Variants in DLK1 observed in about 807,000 individuals in gnomAD.
DLK1 encodes delta like non-canonical Notch ligand 1.
A neutral mutation model predicts 35.2 loss-of-function variants in DLK1; 9 were observed. The ratio of observed to expected loss-of-function variants is 0.26; its 90% CI spans 0.15 to 0.45. The LOEUF is 0.45. DLK1 is among the 20% of genes least tolerant of loss of function. The pLI, the probability that DLK1 is intolerant of heterozygous loss-of-function variation, is 1.00. For synonymous variants in DLK1, 231 were observed against 228.4 expected, an observed-to-expected ratio of 1.01 and a Z score of -0.10; for missense variants, 522 against 528.5, an observed-to-expected ratio of 0.99 and a Z score of 0.12.
At position 100,726,909 on chromosome 14, in the gene DLK1, G is replaced by GGCGGTGGAGAGC; in HGVS notation, c.-157_-146dup. On this transcript the variant is annotated 5_prime_UTR_variant, in exon 1 of 5. Coordinates refer to ENST00000341267, the MANE Select transcript of DLK1 (RefSeq NM_003836.7). The surrounding 1 kb of genome is among the most constrained non-coding windows in gnomAD (Gnocchi z 4.2). ...GCGGCGGCGGCAGCTCCCCGGCAGC[G>GGCGGTGGAGAGC]GCGGTGGAGAGCGCAGCGCGCAGCC... is the stretch of plus-strand genomic sequence containing the variant. 1 of 547,982 alleles carries GGCGGTGGAGAGC rather than the reference G, an allele frequency of 1.8e-6. No individual in the cohort carries two copies. Among genetic ancestry groups the GGCGGTGGAGAGC allele is most frequent in the Non-Finnish European group, 2.6e-6 (1 of 377,932 alleles). 33.9% of individuals were successfully genotyped at this position (547,982 alleles called of 1,614,324 possible).
intron 3 of DLK1, among the ~76,000 whole-genome samples, chr14:100,730,269 C>T (rs1439842358): frequency 2.0e-5 from 3 of 152,216 alleles, no homozygotes; most frequent in African/African-American, 7.2e-5. Context: ...TGGGGGATTC[C>T]AGCAAAGCCA....
Position 100,734,763 on chromosome 14 carries a change from A to G in DLK1, c.1019A>G (p.Asn340Ser), listed in dbSNP as rs2036552759. Residue 340 changes from asparagine (N) to serine (S), a missense_variant, in exon 5 of 5, where the codon AAC becomes AGC. Asn to Ser is a conservative substitution (Grantham distance 46, BLOSUM62 1). Coordinates refer to ENST00000341267, the MANE Select transcript of DLK1 (RefSeq NM_003836.7). The surrounding 1 kb of genome is among the most constrained non-coding windows in gnomAD (Gnocchi z 7.4). ...CETWVSNLRY[N>S]HMLRKKKNLL... The stretch of plus-strand genomic sequence containing the variant: ...ACCTGGGTGTCCAACCTGCGCTACA[A>G]CCACATGCTGCGGAAGAAGAAGAAC... The G allele has an allele frequency of 5.6e-6, 9 of 1,613,982 alleles. No homozygotes were observed. The highest frequency in any genetic ancestry group is 1.3e-5 in the African/African-American group (1 of 75,030).
chr14:100,734,360 A>G lies in DLK1; in HGVS notation c.616A>G (p.Ser206Gly). 1 of 1,612,424 alleles carries G rather than the reference A, an allele frequency of 6.2e-7. No individual in the cohort carries two copies. The highest frequency in any genetic ancestry group is 8.5e-7 in the Non-Finnish European group (1 of 1,179,578). Residue 206 changes from serine to glycine, a missense_variant, in exon 5 of 5, where the codon AGC becomes GGC. Physicochemically the swap from Ser to Gly is moderately conservative, Grantham distance 56. Transcript: ENST00000341267. The surrounding 1 kb of genome is among the most constrained non-coding windows in gnomAD (Gnocchi z 7.4). ...AGCCGGCTTCATCGACAAGACCTGC[A>G]GCCGCCCGGTGACCAACTGCGCCAG... Reference protein sequence around the residue: ...CPAGFIDKTCSRPVTNCASSP... With the variant: ...CPAGFIDKTCGRPVTNCASSP...
Position 100,734,217 on chromosome 14 carries a change from G to GCCC in DLK1, c.477_479dup (p.Pro160dup). ...CGGGCCTCCCATGCCTCCTGCCTGT[G>GCCC]CCCCCCTGGCTTCTCAGGCAATTTC... On this transcript the variant is annotated inframe_insertion, in exon 5 of 5. Transcript: ENST00000341267. This position sits in a 1 kb window ranked among gnomAD's most constrained non-coding sequence, Gnocchi z 7.4. 2 of 1,613,232 alleles carry GCCC rather than the reference G, an allele frequency of 1.2e-6. No homozygotes were observed. The highest frequency in any genetic ancestry group is 1.7e-6 in the Non-Finnish European group (2 of 1,180,002).
Position 100,731,378 on chromosome 14 carries a change from G to A in DLK1, c.263-664G>A, listed in dbSNP as rs925211335. On this transcript the variant is annotated intron_variant, in intron 3 of 4. Transcript: ENST00000341267. The stretch of plus-strand genomic sequence containing the variant: ...TGGAAACCTGTGCTGATAGGAGAGC[G>A]CTCAATAGTTCTAATTTCCCTGGCT... Among the ~76,000 whole-genome samples, 6 of 152,170 alleles carry A rather than the reference G, an allele frequency of 3.9e-5. No homozygotes were observed. The South Asian group carries it at 1.0e-3, about 26-fold the overall frequency.
In DLK1 at chr14:100,737,240, T is replaced by C. The variant is rs930941875; in HGVS notation, c.*2344T>C. The C allele has an allele frequency of 1.4e-5, 2 of 145,310 alleles. No homozygotes were observed. Among genetic ancestry groups the C allele is most frequent in the Non-Finnish European group, 3.0e-5 (2 of 66,650 alleles). The allele number at this position is 145,310 out of a possible 1,614,324, so 9.0% of individuals were successfully genotyped here. ...CCTTCCCCACGAAGTCATTCATAAGTCACCATCTCATCTCATTTTGAGTTT... is the reference window on the plus strand; with the variant it reads ...CCTTCCCCACGAAGTCATTCATAAGCCACCATCTCATCTCATTTTGAGTTT... On this transcript the variant is annotated 3_prime_UTR_variant, in exon 5 of 5. Transcript: ENST00000341267.
rs1420386123 is a variant in DLK1, at chr14:100,728,411, C to T, written c.83C>T (p.Pro28Leu). The change falls in exon 2 of 5, where the codon CCG becomes CTG. Residue 28 changes from proline (P) to leucine (L), a missense_variant. By Grantham distance (98) the Pro-to-Leu change is moderately conservative (BLOSUM62 -3). Transcript: ENST00000341267. ...TGTACCTCAGGGGCTGAATGCTTCCCGGCCTGCAACCCCCAAAATGGATTC... is the reference window on the plus strand; with the variant it reads ...TGTACCTCAGGGGCTGAATGCTTCCTGGCCTGCAACCCCCAAAATGGATTC... The part of the protein sequence containing the change: ...GHSTYGAECF[P>L]ACNPQNGFCE... 43 of 1,613,796 alleles carry T rather than the reference C, an allele frequency of 2.7e-5. No homozygotes were observed. Among genetic ancestry groups the T allele is most frequent in the African/African-American group, 8.0e-5 (6 of 74,850 alleles).
chr14:100,735,014 C>A lies in DLK1; in HGVS notation c.*118C>A. On this transcript the variant is annotated 3_prime_UTR_variant, in exon 5 of 5. Coordinates refer to ENST00000341267, the MANE Select transcript of DLK1 (RefSeq NM_003836.7). ...TGTGTCAAATCTGGTGAACGCTACG[C>A]TTACATATATTGTCTTTGTGCTGCT... 1 of 1,372,092 alleles carries A rather than the reference C, an allele frequency of 7.3e-7. No homozygotes were observed. Among genetic ancestry groups the A allele is most frequent in the Non-Finnish European group, 9.8e-7 (1 of 1,025,268 alleles). The allele number at this position is 1,372,092 out of a possible 1,614,324, so 85.0% of individuals were successfully genotyped here. A position where few individuals can be genotyped will look rare whatever the true frequency, so the allele number is the denominator to read the frequency against.
Position 100,727,059 on chromosome 14 carries a change from C to T in DLK1, c.-10C>T. 1.3e-6 allele frequency: 2 copies of T among 1,562,952 alleles called. No individual in the cohort carries two copies. Among genetic ancestry groups the T allele is most frequent in the South Asian group, 1.2e-5 (1 of 85,750 alleles). The stretch of plus-strand genomic sequence containing the variant: ...ACCGCTCCCGGGACCGCGACCCCGG[C>T]CGCCCAGAGATGACCGCGACCGAAG... On this transcript the variant is annotated 5_prime_UTR_variant, in exon 1 of 5. Transcript: ENST00000341267.
At chr14:100,727,201 C>T in intron 1 of DLK1, 66 bp downstream of exon 1, 1 of 1,454,324 alleles carries the variant, frequency 6.9e-7, no homozygotes. Flanking sequence ...GCCGGCCGCC[C>T]GGTGCCCCGC....
chr14:100,734,391 C>T lies in DLK1; in HGVS notation c.647C>T (p.Pro216Leu), dbSNP rs746359450. ...CCGGTGACCAACTGCGCCAGCAGCC[C>T]GTGCCAGAACGGGGGCACCTGCCTG... Reference protein sequence around the residue: ...SRPVTNCASSPCQNGGTCLQH... With the variant: ...SRPVTNCASSLCQNGGTCLQH... The change falls in exon 5 of 5, where the codon CCG (proline) becomes CTG (leucine). Residue 216 changes from proline (P) to leucine (L), a missense_variant. By Grantham distance (98) the Pro-to-Leu change is moderately conservative. Coordinates refer to ENST00000341267, the MANE Select transcript of DLK1 (RefSeq NM_003836.7). This position sits in a 1 kb window ranked among gnomAD's most constrained non-coding sequence, Gnocchi z 7.4. The T allele has an allele frequency of 1.9e-5, 31 of 1,611,588 alleles. No homozygotes were observed. Among genetic ancestry groups the T allele is most frequent in the Middle Eastern group, 1.6e-4 (1 of 6,072 alleles).
In DLK1 at chr14:100,734,467, T is replaced by G; in HGVS notation, c.723T>G (p.Gly241=). ...YECLCKPEFT[G]LTCVKKRALS... is the part of the protein sequence containing the mutation. ...GTCTGTGCAAGCCCGAGTTCACAGG[T>G]CTCACCTGTGTCAAGAAGCGCGCGC... Residue 241 remains glycine, a synonymous_variant, in exon 5 of 5, where the codon GGT becomes GGG. Transcript: ENST00000341267. The surrounding 1 kb of genome is among the most constrained non-coding windows in gnomAD (Gnocchi z 7.4). The G allele has an allele frequency of 6.2e-7, 1 of 1,611,754 alleles. No individual in the cohort carries two copies. Among genetic ancestry groups the G allele is most frequent in the Non-Finnish European group, 8.5e-7 (1 of 1,178,978 alleles).
At chr14:100,728,819 C>A in intron 2 of DLK1, 117 bp from the exon 3 acceptor site, 1 of 1,354,392 alleles carries the variant, frequency 7.4e-7, no homozygotes, top group Non-Finnish European at 1.0e-6. Context: ...CCAGGACCAC[C>A]GGCTGCCACT....
In DLK1 at chr14:100,729,084, T is replaced by A. The variant is rs150689390; in HGVS notation, c.262+18T>A. The A allele has an allele frequency of 1.0e-3, 1,652 of 1,613,082 alleles. 15 individuals are homozygous for A. The African/African-American group carries it at 0.019, about 19-fold the overall frequency. ...TGATAGAGGTTGGCACTCGCCTTTG[T>A]TCACCTCAGCTCTGCGTCCTTACCT... On this transcript the variant is annotated intron_variant, in intron 3 of 4. Transcript: ENST00000341267.
intron 3 of DLK1, chr14:100,729,346 A>C (rs1206029100): frequency 1.6e-6 from 1 of 639,622 alleles, no homozygotes; most frequent in Non-Finnish European, 2.8e-6. Context: ...ATAAAGAGTC[A>C]CAAAATACAC....
chr14:100,728,616 GGGGGGGGC>G (rs1371628597), intron 2 of DLK1, 157 bp downstream of exon 2: 1 of 183,118 alleles, frequency 5.5e-6, no homozygotes, highest in Non-Finnish European at 1.1e-5. Flanking sequence ...CTGGGGAGAT[GGGGGGGGC>G]GGGGGGGGGG....
In DLK1 at chr14:100,737,661, G is replaced by T. The variant is rs187195759; in HGVS notation, c.*2765G>T. ...GGCAGGACGAGGGGGCAGTCTGGAG[G>T]GGGGTGGACACACAGCTGTCCCCAG... On this transcript the variant is annotated 3_prime_UTR_variant, in exon 5 of 5. Coordinates refer to ENST00000341267, the MANE Select transcript of DLK1 (RefSeq NM_003836.7). 128 of 153,236 alleles carry T rather than the reference G, an allele frequency of 8.4e-4. 1 individual carries two copies. The highest frequency in any genetic ancestry group is 1.1e-3 in the Admixed American group (17 of 15,320). 9.5% of individuals were successfully genotyped at this position (153,236 alleles called of 1,614,324 possible). A position where few individuals can be genotyped will look rare whatever the true frequency, so the allele number is the denominator to read the frequency against.
intron 3 of DLK1, among the ~76,000 whole-genome samples, chr14:100,729,523 A>C (rs2036483596): frequency 6.7e-6 from 1 of 150,176 alleles, no homozygotes; most frequent in Non-Finnish European, 1.5e-5. Context: ...GGTGGCCAGC[A>C]CTGCTCAGTG....
Position 100,729,319 on chromosome 14 carries a change from A to G in DLK1, c.262+253A>G, listed in dbSNP as rs1033103871. The stretch of plus-strand genomic sequence containing the variant: ...CTAGAGGGAACATGGCGTGGGGGCC[A>G]GGGAGCTGCCTGTTGAATAAAGAGT... On this transcript the variant is annotated intron_variant, in intron 3 of 4. Transcript: ENST00000341267. 18 of 675,758 alleles carry G rather than the reference A, an allele frequency of 2.7e-5. No individual in the cohort carries two copies. The African/African-American group carries it at 3.2e-4, about 12-fold the overall frequency. The allele number at this position is 675,758 out of a possible 1,614,324, so 41.9% of individuals were successfully genotyped here.
Sources: gnomAD v4.1 joint callset for allele counts (sites outside exome capture counted in the v4.1 genomes callset) on GRCh38, gnomAD v4.1.1 for gene constraint, Gnocchi (gnomAD v3.1) non-coding constraint, MANE v1.5 for transcripts, NCBI Gene and HGNC (gene_info 2026-07-23, HGNC 2026-07-21) for gene names.